Variants in WWOX observed in about 807,000 individuals in gnomAD.
The protein encoded by WWOX is WW domain containing oxidoreductase, also known as WW domain-containing oxidoreductase.
In WWOX, 69 loss-of-function variants were observed where a neutral mutation model predicts 46.2. The observed-to-expected ratio is 1.49, with a 90% CI of 1.23 to 1.82. The LOEUF is 1.82. Among genes scored for constraint, WWOX ranks in the 40% most tolerant of loss-of-function variants. WWOX has a pLI of 0.00. For synonymous variants in WWOX, 359 were observed against 202.6 expected, an observed-to-expected ratio of 1.77 and a Z score of -6.56; for missense variants, 919 against 542.6, an observed-to-expected ratio of 1.69 and a Z score of -6.89.
intron 8 of WWOX, among the ~76,000 whole-genome samples, chr16:79,165,723 C>G (rs1371501081): frequency 3.3e-5 from 5 of 152,162 alleles, no homozygotes; most frequent in Non-Finnish European, 5.9e-5. Flanking sequence ...CCTGTTTACT[C>G]TGTCAGGGTG....
chr16:78,596,309 G>C (rs946920635), intron 8 of WWOX, among the ~76,000 whole-genome samples: 2 of 152,140 alleles, frequency 1.3e-5, no homozygotes, highest in African/African-American at 4.8e-5. Context: ...GCTGGGTTCT[G>C]CTAGGCCTGG....
At chr16:78,807,490 G>C (rs560991025) in intron 8 of WWOX, among the ~76,000 whole-genome samples, 1 of 152,146 alleles carries the variant, frequency 6.6e-6, no homozygotes, top group African/African-American at 2.4e-5. Flanking sequence ...TAACATCAAG[G>C]GCCCGGGTTT....
At chr16:78,882,643 G>A (rs956859218) in intron 8 of WWOX, among the ~76,000 whole-genome samples, 3 of 151,506 alleles carry the variant, frequency 2.0e-5, no homozygotes, top group South Asian at 2.1e-4. Context: ...ATGTGCTACC[G>A]TGCCCAGCTA....
intron 8 of WWOX, among the ~76,000 whole-genome samples, chr16:78,531,866 C>T (rs759397104): frequency 3.4e-4 from 52 of 152,120 alleles, no homozygotes; most frequent in Admixed American, 1.1e-3. Flanking sequence ...TCAAAATAAA[C>T]AAACAAATAA....
chr16:78,166,015 C>T (rs531848996), intron 5 of WWOX, among the ~76,000 whole-genome samples: 1 of 151,912 alleles, frequency 6.6e-6, no homozygotes, highest in South Asian at 2.1e-4. Context: ...GGAATACGTG[C>T]ATCTTATTTG....
intron 8 of WWOX, among the ~76,000 whole-genome samples, chr16:78,971,651 A>G (rs907599694): frequency 7.2e-5 from 11 of 151,932 alleles, no homozygotes; most frequent in African/African-American, 2.7e-4. Flanking sequence ...AATATCCCTT[A>G]TATTCCTTAG....
At chr16:78,971,574 C>T (rs748523922) in intron 8 of WWOX, among the ~76,000 whole-genome samples, 3 of 151,576 alleles carry the variant, frequency 2.0e-5, no homozygotes, top group Non-Finnish European at 4.4e-5. Context: ...TCAAATGGAG[C>T]AAAGTGTGCT....
intron 8 of WWOX, among the ~76,000 whole-genome samples, chr16:79,182,690 T>G (rs1250026708): frequency 1.3e-5 from 2 of 152,200 alleles, no homozygotes; most frequent in African/African-American, 4.8e-5. Context: ...GTTATTAACC[T>G]CTTTATGCCT....
chr16:78,342,358 G>T lies in WWOX; in HGVS notation c.517-44502G>T, dbSNP rs142154568. On this transcript the variant is annotated intron_variant, in intron 5 of 8. Transcript: ENST00000566780. ...CCACCCTACACAACCACTCGTGAAG[G>T]CAGACTTGAAGGGGACTCCACTGTC... is the stretch of plus-strand genomic sequence containing the variant. 8.3e-5 allele frequency among the ~76,000 whole-genome samples: 10 copies of T among 120,926 alleles called. 4 individuals carry two copies. The highest frequency in any genetic ancestry group is 8.0e-4 in the Admixed American group (10 of 12,464). 79.3% of individuals were successfully genotyped at this position (120,926 alleles called of 152,430 possible). A position where few individuals can be genotyped will look rare whatever the true frequency, so the allele number is the denominator to read the frequency against.
intron 8 of WWOX, among the ~76,000 whole-genome samples, chr16:79,108,283 G>C (rs530868169): frequency 2.0e-5 from 3 of 152,348 alleles, no homozygotes; most frequent in African/African-American, 7.2e-5. Flanking sequence ...GCGGGGTCCT[G>C]CAGTGCCTTC....
In WWOX at chr16:78,909,173, T is replaced by C. The variant is rs981428298; in HGVS notation, c.1057-302435T>C. 3.9e-5 allele frequency among the ~76,000 whole-genome samples: 6 copies of C among 152,326 alleles called. No individual in the cohort carries two copies. In the South Asian group the frequency reaches 1.0e-3, roughly 26 times the overall value. On this transcript the variant is annotated intron_variant, in intron 8 of 8. Transcript: ENST00000566780. Reference sequence around the variant, plus strand: ...TTACATCAGATCTCCATCACCTTCATAATTTTCTCCGTTATAATTTTTGCA... The same window carrying C: ...TTACATCAGATCTCCATCACCTTCACAATTTTCTCCGTTATAATTTTTGCA...
rs1251098093 is a variant in WWOX at position 79,020,091 on chromosome 16, C to G, written c.1057-191517C>G. ...TCTGCATGGTTGCAGTGGATAGTCA[C>G]TGGACAATTGATGAACAACTACTAC... On this transcript the variant is annotated intron_variant, in intron 8 of 8. Coordinates refer to ENST00000566780, the MANE Select transcript of WWOX (RefSeq NM_016373.4). 2.6e-5 allele frequency among the ~76,000 whole-genome samples: 4 copies of G among 152,200 alleles called. No individual in the cohort carries two copies. The East Asian group carries it at 5.8e-4, about 22-fold the overall frequency.
intron 8 of WWOX, among the ~76,000 whole-genome samples, chr16:78,850,136 C>T (rs928680546): frequency 2.0e-5 from 3 of 151,686 alleles, no homozygotes; most frequent in African/African-American, 4.8e-5. Flanking sequence ...TTTTCACTAC[C>T]AGTTTCTGTG....
intron 8 of WWOX, among the ~76,000 whole-genome samples, chr16:78,716,467 A>G (rs1177678707): frequency 6.6e-6 from 1 of 152,174 alleles, no homozygotes; most frequent in Non-Finnish European, 1.5e-5. Context: ...CTGCCCTTCA[A>G]GATGAGTGTT....
chr16:78,155,065 A>C (rs1337791462), intron 4 of WWOX, among the ~76,000 whole-genome samples: 1 of 152,138 alleles, frequency 6.6e-6, no homozygotes, highest in Non-Finnish European at 1.5e-5. Context: ...TTGGGCCCCC[A>C]GTGGTGTAAG....
At chr16:78,984,886 C>G (rs543931799) in intron 8 of WWOX, among the ~76,000 whole-genome samples, 26 of 152,088 alleles carry the variant, frequency 1.7e-4, no homozygotes, top group African/African-American at 5.8e-4. Flanking sequence ...AGGGGAAGAA[C>G]TGATTCTTTT....
At chr16:78,157,299 A>C (rs1333784261) in intron 4 of WWOX, among the ~76,000 whole-genome samples, 6 of 152,108 alleles carry the variant, frequency 3.9e-5, no homozygotes, top group Non-Finnish European at 8.8e-5. Flanking sequence ...AGTCAGCAAG[A>C]CTTTGTTCGG....
intron 8 of WWOX, among the ~76,000 whole-genome samples, chr16:78,658,107 C>G (rs1038741136): frequency 6.6e-6 from 1 of 152,108 alleles, no homozygotes; most frequent in Admixed American, 6.5e-5. Flanking sequence ...CCTCTACCCA[C>G]TAGATGCCAG....
chr16:78,655,713 C>G (rs1439577037), intron 8 of WWOX, among the ~76,000 whole-genome samples: 1 of 152,062 alleles, frequency 6.6e-6, no homozygotes, highest in Admixed American at 6.6e-5. Flanking sequence ...TTTACTATTT[C>G]CTGGCTGTGG....
Sources: gnomAD v4.1 joint callset for allele counts (sites outside exome capture counted in the v4.1 genomes callset) on GRCh38, gnomAD v4.1.1 for gene constraint, MANE v1.5 for transcripts, NCBI Gene and HGNC (gene_info 2026-07-23, HGNC 2026-07-21) for gene names.